The following DNAH9 variants were observed in gnomAD, a reference collection of about 807,000 sequenced individuals.
DNAH9 encodes the protein DNAH9 variant protein.
Under a neutral mutation model 471.6 loss-of-function variants are expected in DNAH9, and 345 were observed. That is an observed-to-expected ratio of 0.73 (90% confidence interval 0.67 to 0.80). The LOEUF is 0.80. DNAH9 is among the 30% of genes least tolerant of loss of function. The probability of loss-of-function intolerance (pLI) is 0.00; values close to 1 mark genes in which losing one functional copy is unlikely to be tolerated. For synonymous variants in DNAH9, 2,093 were observed against 2,123.6 expected, an observed-to-expected ratio of 0.99 and a Z score of 0.40; for missense variants, 5,407 against 5,609.2, an observed-to-expected ratio of 0.96 and a Z score of 1.15.
chr17:11,707,102 T>C (rs2074716250), intron 26 of DNAH9, among the ~76,000 whole-genome samples: 1 of 152,206 alleles, frequency 6.6e-6, no homozygotes. Flanking sequence ...AGAAATGATA[T>C]TTTAATTCCA....
At chr17:11,665,441 T>C (rs2073850218) in intron 15 of DNAH9, among the ~76,000 whole-genome samples, 1 of 152,218 alleles carries the variant, frequency 6.6e-6, no homozygotes, top group Non-Finnish European at 1.5e-5. Context: ...ACAGAAGTTT[T>C]TCTGAGTGAA....
chr17:11,731,072 TGATAGTG>T (rs2075257960), intron 28 of DNAH9, among the ~76,000 whole-genome samples: 4 of 134,350 alleles, frequency 3.0e-5, no homozygotes, highest in South Asian at 2.4e-4. Context: ...ATGATGGTGA[TGATAGTG>T]ATGATGATGG....
chr17:11,739,276 T>C (rs1204812307), intron 29 of DNAH9, among the ~76,000 whole-genome samples: 1 of 152,248 alleles, frequency 6.6e-6, no homozygotes, highest in Non-Finnish European at 1.5e-5. Context: ...GCGGTCTACA[T>C]AGTTTCGTGT....
In DNAH9 at chr17:11,931,954, T is replaced by G. The variant is rs191032333; in HGVS notation, c.12106-60T>G. The G allele has an allele frequency of 1.2e-5, 19 of 1,579,136 alleles. No individual in the cohort carries two copies. In the East Asian group the frequency reaches 4.0e-4, roughly 34 times the overall value. On this transcript the variant is annotated intron_variant, in intron 63 of 68. Transcript: ENST00000262442. Reference sequence around the variant, plus strand: ...ACGAACCCTGATTGTAACCTCACCCTAGCCAGCCCCGTATAAGAGAAGTTG... The same window carrying G: ...ACGAACCCTGATTGTAACCTCACCCGAGCCAGCCCCGTATAAGAGAAGTTG...
chr17:11,761,870 C>T (rs1382837776), intron 35 of DNAH9, among the ~76,000 whole-genome samples: 10 of 152,166 alleles, frequency 6.6e-5, no homozygotes, highest in Admixed American at 2.0e-4. Context: ...TCCAGCCTTT[C>T]CACTTTGTCC....
intron 14 of DNAH9, among the ~76,000 whole-genome samples, chr17:11,661,752 GCA>G (rs1454270159): frequency 1.3e-5 from 2 of 151,708 alleles, no homozygotes; most frequent in Admixed American, 6.6e-5. Flanking sequence ...TTATATATAT[GCA>G]CACACACATA....
intron 29 of DNAH9, 118 bp from the exon 30 acceptor site, chr17:11,742,057 G>A (rs2075440614): frequency 1.2e-6 from 1 of 847,690 alleles, no homozygotes; most frequent in Non-Finnish European, 1.9e-6. Flanking sequence ...CTTTCCATGA[G>A]TTTTTGCACT....
At chr17:11,629,342 T>C (rs888325055) in intron 6 of DNAH9, 75 bp from the exon 7 acceptor site, 2 of 1,048,902 alleles carry the variant, frequency 1.9e-6, no homozygotes, top group African/African-American at 3.3e-5. Flanking sequence ...AGTGAGAACA[T>C]GCGGTGTTTG....
chr17:11,937,505 G>A lies in DNAH9; in HGVS notation c.12643G>A (p.Ala4215Thr), dbSNP rs975048147. The change falls in exon 66 of 69, where the codon GCC becomes ACC. Residue 4215 changes from alanine to threonine, a missense_variant. Around this residue, in one of 3 missense-constraint regions of DNAH9, gnomAD observed 4,636 missense variants for 4,900.3 expected, o/e 0.95. Transcript: ENST00000262442. The surrounding 1 kb of genome is among the most constrained non-coding windows in gnomAD (Gnocchi z 4.1). ...RDSQARDGAG[A>T]TREEKVKALL... is the part of the protein sequence containing the mutation. ...CAGCCAGGCCAGAGACGGAGCGGGCGCCACAAGAGAAGAAAAGGTGTGTGT... is the reference window on the plus strand; with the variant it reads ...CAGCCAGGCCAGAGACGGAGCGGGCACCACAAGAGAAGAAAAGGTGTGTGT... 21 of 1,612,200 alleles carry A rather than the reference G, an allele frequency of 1.3e-5. No individual in the cohort carries two copies. The highest frequency in any genetic ancestry group is 1.7e-4 in the Middle Eastern group (1 of 6,002).
intron 3 of DNAH9, 42 bp from the exon 4 acceptor site, chr17:11,611,608 C>T: frequency 6.2e-7 from 1 of 1,602,970 alleles, no homozygotes; most frequent in Non-Finnish European, 8.5e-7. Context: ...ACTTGCATTT[C>T]CTGATGCTTC....
intron 48 of DNAH9, among the ~76,000 whole-genome samples, chr17:11,833,678 T>C (rs1396665769): frequency 6.6e-6 from 1 of 152,172 alleles, no homozygotes; most frequent in Non-Finnish European, 1.5e-5. Context: ...TTACTAGAGA[T>C]AGAAGTCCGA....
intron 45 of DNAH9, among the ~76,000 whole-genome samples, chr17:11,817,645 A>G (rs1236384972): frequency 2.0e-5 from 3 of 152,160 alleles, no homozygotes; most frequent in African/African-American, 7.2e-5. Context: ...CATTCCATTA[A>G]ATATTATTAT....
intron 50 of DNAH9, among the ~76,000 whole-genome samples, chr17:11,863,254 C>T (rs1033249594): frequency 2.0e-5 from 3 of 152,074 alleles, no homozygotes; most frequent in African/African-American, 7.2e-5. Context: ...TTGTCAAAGG[C>T]CTTTTCTGCA....
At chr17:11,600,387 C>A (rs1374955033) in intron 1 of DNAH9, among the ~76,000 whole-genome samples, 1 of 152,106 alleles carries the variant, frequency 6.6e-6, no homozygotes, top group Admixed American at 6.5e-5. Flanking sequence ...GCAGACTGAT[C>A]AAAGGTTCAG....
chr17:11,930,959 A>C (rs1394150612), intron 63 of DNAH9, among the ~76,000 whole-genome samples: 1 of 152,184 alleles, frequency 6.6e-6, no homozygotes, highest in Non-Finnish European at 1.5e-5. Flanking sequence ...GGGAATTTCA[A>C]GGCTTATGTT....
chr17:11,822,339 C>A (rs1230703904), intron 46 of DNAH9, 99 bp from the exon 47 acceptor site: 1 of 1,401,576 alleles, frequency 7.1e-7, no homozygotes. Context: ...GATGTGCTTC[C>A]CAATCTTCTG....
At chr17:11,917,929 G>A (rs1172043655) in intron 61 of DNAH9, among the ~76,000 whole-genome samples, 3 of 152,166 alleles carry the variant, frequency 2.0e-5, no homozygotes, top group Non-Finnish European at 2.9e-5. Flanking sequence ...CATCTTGCTT[G>A]GTCTCCATCC....
intron 52 of DNAH9, among the ~76,000 whole-genome samples, chr17:11,874,552 G>A (rs1282073317): frequency 1.3e-5 from 2 of 152,088 alleles, no homozygotes; most frequent in African/African-American, 2.4e-5. Context: ...CACTAGGCAT[G>A]GGACCTGGTG....
chr17:11,627,970 GGCAGTGAGAT>G (rs2072999450), intron 6 of DNAH9, among the ~76,000 whole-genome samples: 1 of 152,080 alleles, frequency 6.6e-6, no homozygotes, highest in African/African-American at 2.4e-5. Flanking sequence ...AGCAGCCATG[GGCAGTGAGAT>G]TTCCTGCAGT....
Sources: allele counts gnomAD v4.1 joint callset (sites outside exome capture counted in the v4.1 genomes callset), GRCh38; gene constraint gnomAD v4.1.1; regional missense constraint gnomAD v4.1.1; non-coding constraint Gnocchi (gnomAD v3.1); transcripts MANE v1.5; gene names NCBI Gene and HGNC (gene_info 2026-07-23, HGNC 2026-07-21).